The following CCDC178 variants were observed in gnomAD, a reference collection of about 807,000 sequenced individuals.
CCDC178 encodes the protein coiled-coil domain-containing protein 178.
A neutral mutation model predicts 117.4 loss-of-function variants in CCDC178; 126 were observed. The observed-to-expected ratio is 1.07, with a 90% CI of 0.93 to 1.24. The LOEUF is 1.24. Ranked by LOEUF, CCDC178 falls within the 50% of genes most tolerant of loss-of-function variation. The probability of loss-of-function intolerance (pLI) is 0.00; values close to 1 mark genes in which losing one functional copy is unlikely to be tolerated. For missense variants in CCDC178, 1,030 were observed against 986.9 expected (o/e 1.04, Z -0.59); for synonymous variants, 283 against 313.4 (o/e 0.90, Z 1.02).
intron 5 of CCDC178, among the ~76,000 whole-genome samples, chr18:33,380,088 C>T (rs2063422401): frequency 6.6e-6 from 1 of 152,106 alleles, no homozygotes; most frequent in Non-Finnish European, 1.5e-5. Flanking sequence ...GCAGAGGGTC[C>T]TGCTGCACCA....
In CCDC178 at chr18:33,379,865, CTGCA is replaced by C. The variant is rs1259686005; in HGVS notation, c.208+9671_208+9674del. Among the ~76,000 whole-genome samples, 11 of 152,262 alleles carry C rather than the reference CTGCA, an allele frequency of 7.2e-5. No individual in the cohort carries two copies. In the East Asian group the frequency reaches 1.4e-3, roughly 19 times the overall value. ...TATGTGCAGAGTAGTGAGAGCCCTA[CTGCA>C]CCATGATCTATGCATGGGAAGGGTA... On this transcript the variant is annotated intron_variant, in intron 5 of 22. Coordinates refer to ENST00000383096, the MANE Select transcript of CCDC178 (RefSeq NM_001105528.4).
chr18:33,432,477 A>G (rs1416021255), intron 2 of CCDC178, among the ~76,000 whole-genome samples: 1 of 84,014 alleles, frequency 1.2e-5, no homozygotes, highest in Non-Finnish European at 2.5e-5. Context: ...TGCCTTCTCC[A>G]TACACACACA....
At chr18:33,187,997 A>G (rs576859588) in intron 20 of CCDC178, among the ~76,000 whole-genome samples, 1 of 152,266 alleles carries the variant, frequency 6.6e-6, no homozygotes, top group African/African-American at 2.4e-5. Flanking sequence ...GGAAGGAAAT[A>G]CCAACATTCT....
chr18:33,228,072 T>C (rs1001421915), intron 15 of CCDC178, among the ~76,000 whole-genome samples: 3 of 152,166 alleles, frequency 2.0e-5, no homozygotes, highest in South Asian at 2.1e-4. Context: ...CTGAAACTAA[T>C]TGAAAAATGT....
chr18:33,346,316 C>G lies in CCDC178; in HGVS notation c.553G>C (p.Glu185Gln). ...KSLETDRADAEEALKQQRSRK... is the reference protein window; with the variant it reads ...KSLETDRADAQEALKQQRSRK... ...GATCTCTGTTGTTTTAAAGCTTCTT[C>G]AGCGTCTGCCCGGTCAGTTTCTAGA... The change falls in exon 9 of 23, where the codon GAA (glutamate) becomes CAA (glutamine). Residue 185 changes from glutamate to glutamine, a missense_variant. Coordinates refer to ENST00000383096, the MANE Select transcript of CCDC178 (RefSeq NM_001105528.4). The G allele has an allele frequency of 6.2e-7, 1 of 1,613,600 alleles. No individual in the cohort carries two copies. Among genetic ancestry groups the G allele is most frequent in the Non-Finnish European group, 8.5e-7 (1 of 1,179,568 alleles).
intron 20 of CCDC178, among the ~76,000 whole-genome samples, chr18:33,113,588 TG>T (rs1172162368): frequency 2.6e-5 from 4 of 151,972 alleles, no homozygotes; most frequent in African/African-American, 9.7e-5. Context: ...GCAATTACTC[TG>T]TTTAGGATAA....
At chr18:32,950,501 T>C (rs1173164201) in intron 22 of CCDC178, among the ~76,000 whole-genome samples, 2 of 152,212 alleles carry the variant, frequency 1.3e-5, no homozygotes. Flanking sequence ...TGACTCTAGT[T>C]ACTTCATTTT....
chr18:33,245,768 G>A (rs767960346), intron 14 of CCDC178, among the ~76,000 whole-genome samples: 9 of 151,814 alleles, frequency 5.9e-5, no homozygotes, highest in African/African-American at 1.2e-4. Flanking sequence ...GTGTTTTTAC[G>A]AGAGAATATG....
At chr18:33,250,339 T>C (rs1388351089) in intron 14 of CCDC178, among the ~76,000 whole-genome samples, 9 of 151,758 alleles carry the variant, frequency 5.9e-5, no homozygotes. Flanking sequence ...CAGATTAATT[T>C]AAAATGTCTA....
At chr18:32,961,188 G>A (rs966246354) in intron 22 of CCDC178, among the ~76,000 whole-genome samples, 1 of 152,040 alleles carries the variant, frequency 6.6e-6, no homozygotes, top group Admixed American at 6.6e-5. Flanking sequence ...CCTGAGAGAC[G>A]AGTATTGAAA....
intron 19 of CCDC178, among the ~76,000 whole-genome samples, chr18:33,214,128 A>G (rs2059137806): frequency 6.6e-6 from 1 of 152,072 alleles, no homozygotes; most frequent in African/African-American, 2.4e-5. Flanking sequence ...CCACTACTTA[A>G]GAGTGTGATC....
chr18:33,261,858 C>T (rs1245582575), intron 14 of CCDC178, among the ~76,000 whole-genome samples: 1 of 152,006 alleles, frequency 6.6e-6, no homozygotes, highest in Non-Finnish European at 1.5e-5. Flanking sequence ...TTTGACATAT[C>T]TCTCTATTCA....
intron 16 of CCDC178, 112 bp from the exon 17 acceptor site, chr18:33,225,048 C>T (rs1190836863): frequency 1.8e-5 from 10 of 552,280 alleles, no homozygotes; most frequent in Non-Finnish European, 2.8e-5. Context: ...TCAAATAATA[C>T]AATAAATGTC....
At position 33,211,816 on chromosome 18, in the gene CCDC178, T is replaced by C. The variant is rs1000513173; in HGVS notation, c.2238+80A>G. The C allele has an allele frequency of 5.9e-6, 7 of 1,189,230 alleles. No homozygotes were observed. In the African/African-American group the frequency reaches 6.3e-5, roughly 11 times the overall value. 73.7% of individuals were successfully genotyped at this position (1,189,230 alleles called of 1,614,324 possible). A position where few individuals can be genotyped will look rare whatever the true frequency, so the allele number is the denominator to read the frequency against. On this transcript the variant is annotated intron_variant, in intron 20 of 22. Coordinates refer to ENST00000383096, the MANE Select transcript of CCDC178 (RefSeq NM_001105528.4). ...TCTTAACACCCTTGCTACTTCAGGATAAAAATTGTCTCAAACTAGCTGCTA... is the reference window on the plus strand; with the variant it reads ...TCTTAACACCCTTGCTACTTCAGGACAAAAATTGTCTCAAACTAGCTGCTA...
At chr18:33,335,371 T>A (rs1279913972) in intron 9 of CCDC178, among the ~76,000 whole-genome samples, 1 of 152,050 alleles carries the variant, frequency 6.6e-6, no homozygotes, top group Admixed American at 6.5e-5. Flanking sequence ...TGTTTGATAA[T>A]ATCTTTTTTT....
intron 11 of CCDC178, among the ~76,000 whole-genome samples, chr18:33,306,478 A>C (rs2062252793): frequency 6.8e-6 from 1 of 146,688 alleles, no homozygotes; most frequent in Non-Finnish European, 1.5e-5. Flanking sequence ...ATATGGTTAT[A>C]TATAATATAT....
At chr18:33,036,634 C>A (rs896821874) in intron 21 of CCDC178, among the ~76,000 whole-genome samples, 3 of 151,756 alleles carry the variant, frequency 2.0e-5, no homozygotes, top group Non-Finnish European at 2.9e-5. Flanking sequence ...ACTTGGTGTA[C>A]AAAGAGAACT....
chr18:33,248,219 G>A (rs1028940940), intron 14 of CCDC178, among the ~76,000 whole-genome samples: 1 of 151,726 alleles, frequency 6.6e-6, no homozygotes, highest in Non-Finnish European at 1.5e-5. Context: ...ATTCAACATT[G>A]ATGAGCTAAA....
intron 5 of CCDC178, among the ~76,000 whole-genome samples, chr18:33,378,053 G>A (rs897359199): frequency 1.3e-5 from 2 of 152,114 alleles, no homozygotes; most frequent in Admixed American, 1.3e-4. Flanking sequence ...CCATTTAATC[G>A]GCATTGATTC....
Sources: allele counts gnomAD v4.1 joint callset (sites outside exome capture counted in the v4.1 genomes callset), GRCh38; gene constraint gnomAD v4.1.1; transcripts MANE v1.5; gene names NCBI Gene and HGNC (gene_info 2026-07-23, HGNC 2026-07-21).